RAD51B: variants seen among roughly 807,000 people sequenced by gnomAD.
RAD51B encodes the protein DNA repair protein RAD51 homolog 2.
A neutral mutation model predicts 42.2 loss-of-function variants in RAD51B; 38 were observed. The observed-to-expected ratio is 0.90, with a 90% confidence interval of 0.70 to 1.18. The LOEUF (loss-of-function observed/expected upper bound fraction) is 1.18. RAD51B is among the 50% of genes most tolerant of loss of function. The probability of loss-of-function intolerance (pLI) is 0.00; values close to 1 mark genes in which losing one functional copy is unlikely to be tolerated. For missense variants in RAD51B, 373 were observed against 400.7 expected, an observed-to-expected ratio of 0.93 and a Z score of 0.59; for synonymous variants, 154 against 145.2, an observed-to-expected ratio of 1.06 and a Z score of -0.43.
chr14:68,338,721 T>C lies in RAD51B; in HGVS notation c.853+46741T>C, dbSNP rs1209269382. On this transcript the variant is annotated intron_variant, in intron 8 of 10. Transcript: ENST00000471583. ...TTTTTATGGACAGAAAACTCAACAG[T>C]GTACATTTAACCCAGTTCAGTGGCA... 1.3e-5 allele frequency: 5 copies of C among 375,408 alleles called. No individual in the cohort carries two copies. The Admixed American group carries it at 1.8e-4, about 14-fold the overall frequency. The allele number at this position is 375,408 out of a possible 1,614,324, so 23.3% of individuals were successfully genotyped here.
chr14:68,058,586 T>C (rs925400461), intron 7 of RAD51B, among the ~76,000 whole-genome samples: 1 of 152,188 alleles, frequency 6.6e-6, no homozygotes, highest in Non-Finnish European at 1.5e-5. Flanking sequence ...TTTTTTTACT[T>C]ATAAATCTGA....
At chr14:68,463,381 T>G (rs940381524) in intron 9 of RAD51B, among the ~76,000 whole-genome samples, 1 of 152,178 alleles carries the variant, frequency 6.6e-6, no homozygotes, top group Non-Finnish European at 1.5e-5. Flanking sequence ...GTTAGAAAAC[T>G]CAAAAGCAAT....
chr14:67,882,683 C>A (rs1157246447), intron 5 of RAD51B, among the ~76,000 whole-genome samples: 1 of 152,130 alleles, frequency 6.6e-6, no homozygotes, highest in East Asian at 1.9e-4. Flanking sequence ...TGAATCTTGT[C>A]TTTTCTGCTT....
chr14:68,477,873 G>A lies in RAD51B; in HGVS notation c.*209G>A. 1 of 1,414,162 alleles carries A rather than the reference G, an allele frequency of 7.1e-7. No individual in the cohort carries two copies. Among genetic ancestry groups the A allele is most frequent in the Non-Finnish European group, 9.2e-7 (1 of 1,086,526 alleles). 87.6% of individuals were successfully genotyped at this position (1,414,162 alleles called of 1,614,324 possible). ...GTGAAGATGAAGAAGCCTTTGTTCA[G>A]GTCTCTAGATGTGTAGGGCTGAGGG... On this transcript the variant is annotated 3_prime_UTR_variant, in exon 11 of 11. Transcript: ENST00000471583.
chr14:68,674,147 CTGTACACACATA>C (rs1297503429), intron 11 of RAD51B, among the ~76,000 whole-genome samples: 1 of 151,594 alleles, frequency 6.6e-6, no homozygotes, highest in Non-Finnish European at 1.5e-5. Flanking sequence ...ATATACAATA[CTGTACACACATA>C]TATACACACA....
At chr14:67,825,623 C>G in intron 3 of RAD51B, 46 bp downstream of exon 3, 2 of 1,411,528 alleles carry the variant, frequency 1.4e-6, no homozygotes, top group Non-Finnish European at 1.9e-6. Context: ...GATTCCTCAT[C>G]TCATTAAACA....
intron 7 of RAD51B, among the ~76,000 whole-genome samples, chr14:67,980,219 T>C (rs1301234814): frequency 1.3e-5 from 2 of 151,920 alleles, no homozygotes; most frequent in Non-Finnish European, 2.9e-5. Flanking sequence ...CCGAGGCAGG[T>C]GGATCACCTG....
At chr14:68,048,172 A>G (rs1044756379) in intron 7 of RAD51B, among the ~76,000 whole-genome samples, 4 of 152,206 alleles carry the variant, frequency 2.6e-5, no homozygotes, top group African/African-American at 9.6e-5. Context: ...CCTAAAGCTT[A>G]TATAATAGAA....
At chr14:68,464,884 G>A (rs1206461080) in intron 9 of RAD51B, among the ~76,000 whole-genome samples, 2 of 152,206 alleles carry the variant, frequency 1.3e-5, no homozygotes, top group Non-Finnish European at 1.5e-5. Context: ...CAGAAGGACA[G>A]TGCATTAATC....
chr14:68,273,091 C>T (rs531071445), intron 7 of RAD51B, among the ~76,000 whole-genome samples: 38 of 152,194 alleles, frequency 2.5e-4, no homozygotes, highest in African/African-American at 7.5e-4. Context: ...AAAAGAGCCA[C>T]GAGTGACCAC....
chr14:68,434,131 TG>T (rs1467604021), intron 9 of RAD51B, among the ~76,000 whole-genome samples: 1 of 152,196 alleles, frequency 6.6e-6, no homozygotes, highest in African/African-American at 2.4e-5. Context: ...TACCTGGCCA[TG>T]TGAAGTGTCA....
intron 10 of RAD51B, among the ~76,000 whole-genome samples, chr14:68,529,536 A>G (rs1271316394): frequency 6.6e-6 from 1 of 152,248 alleles, no homozygotes; most frequent in Non-Finnish European, 1.5e-5. Flanking sequence ...CTATGGAGGC[A>G]GGAGAAATAA....
At chr14:68,127,879 G>A (rs2077803832) in intron 7 of RAD51B, among the ~76,000 whole-genome samples, 1 of 152,134 alleles carries the variant, frequency 6.6e-6, no homozygotes, top group Non-Finnish European at 1.5e-5. Context: ...TGATGGAATT[G>A]CCTGTTAGTT....
chr14:68,357,724 A>C (rs777238830), intron 8 of RAD51B, among the ~76,000 whole-genome samples: 38 of 151,958 alleles, frequency 2.5e-4, no homozygotes, highest in Non-Finnish European at 4.7e-4. Flanking sequence ...GAGTAGTACT[A>C]TTTTGAAAGA....
At chr14:68,318,744 C>G (rs1485974029) in intron 8 of RAD51B, among the ~76,000 whole-genome samples, 1 of 152,076 alleles carries the variant, frequency 6.6e-6, no homozygotes, top group Non-Finnish European at 1.5e-5. Flanking sequence ...CCTTAAGCCC[C>G]GAAGGTTAAT....
At chr14:68,604,605 G>C (rs948149612) in intron 10 of RAD51B, among the ~76,000 whole-genome samples, 1 of 152,196 alleles carries the variant, frequency 6.6e-6, no homozygotes, top group African/African-American at 2.4e-5. Flanking sequence ...ATTAACAGCT[G>C]TGACCGCAGA....
chr14:68,397,001 T>C (rs1420729402), intron 8 of RAD51B, among the ~76,000 whole-genome samples: 1 of 152,262 alleles, frequency 6.6e-6, no homozygotes, highest in African/African-American at 2.4e-5. Context: ...GGCAAATCAC[T>C]TTCTTTGTAG....
At chr14:68,516,403 G>T (rs1357705980) in intron 10 of RAD51B, among the ~76,000 whole-genome samples, 1 of 152,148 alleles carries the variant, frequency 6.6e-6, no homozygotes, top group African/African-American at 2.4e-5. Flanking sequence ...CAAATCTCTT[G>T]ACTGTCCGGC....
At chr14:67,969,484 A>G (rs11852180) in intron 7 of RAD51B, among the ~76,000 whole-genome samples, 41,846 of 151,960 alleles carry the variant, frequency 0.28, 7,526 homozygotes, top group African/African-American at 0.51. Context: ...GTATGCCTAA[A>G]TCCTCCCTCC....
Sources: gnomAD v4.1 joint callset for allele counts (sites outside exome capture counted in the v4.1 genomes callset) on GRCh38, gnomAD v4.1.1 for gene constraint, MANE v1.5 for transcripts, NCBI Gene and HGNC (gene_info 2026-07-23, HGNC 2026-07-21) for gene names.